TRAPPC12: variants seen among roughly 807,000 people sequenced by gnomAD.
TRAPPC12 encodes the protein trafficking protein particle complex subunit 12, also known as TPR repeat protein 15.
TRAPPC12 carries 61 observed loss-of-function variants against 69.2 expected under a neutral mutation model. The ratio of observed to expected loss-of-function variants is 0.88; its 90% CI spans 0.72 to 1.09. TRAPPC12 has a LOEUF of 1.09. TRAPPC12 is among the 50% of genes least tolerant of loss of function. TRAPPC12 has a pLI of 0.00. For missense variants in TRAPPC12, 1,101 were observed against 1,016.4 expected, an observed-to-expected ratio of 1.08 and a Z score of -1.13; for synonymous variants, 469 against 438.9, an observed-to-expected ratio of 1.07 and a Z score of -0.86.
At chr2:3,420,561 G>A (rs1178037763) in intron 3 of TRAPPC12, among the ~76,000 whole-genome samples, 1 of 152,176 alleles carries the variant, frequency 6.6e-6, no homozygotes, top group Non-Finnish European at 1.5e-5. Context: ...CAGTGTGAGT[G>A]TGAGGCCACA....
chr2:3,439,134 C>T (rs937712081), intron 5 of TRAPPC12, among the ~76,000 whole-genome samples: 4 of 152,128 alleles, frequency 2.6e-5, no homozygotes, highest in African/African-American at 9.7e-5. Flanking sequence ...TTGGATTTTT[C>T]GCTATTCTGA....
intron 11 of TRAPPC12, 73 bp from the exon 12 acceptor site, chr2:3,479,146 A>G: frequency 1.3e-6 from 2 of 1,571,192 alleles, no homozygotes; most frequent in Non-Finnish European, 1.7e-6. Flanking sequence ...AACACGGCCC[A>G]GCACGCAGCC....
chr2:3,457,691 A>G lies in TRAPPC12; in HGVS notation c.1601A>G (p.Gln534Arg), dbSNP rs771677124. ...AGCAGCGTGACTCAGGAGGGCAGAC[A>G]AGGTGGGTCGGCCGGACTTTGCTGA... ...GMSSVTQEGR[Q>R]ASIRLWRSRL... is the part of the protein sequence containing the mutation. Residue 534 changes from glutamine (Q) to arginine (R), a missense_variant and splice_region_variant, in exon 7 of 12, where the codon CAA becomes CGA. Transcript: ENST00000324266. 2.5e-6 allele frequency: 4 copies of G among 1,610,260 alleles called. No individual in the cohort carries two copies. Among genetic ancestry groups the G allele is most frequent in the Admixed American group, 3.3e-5 (2 of 60,020 alleles).
chr2:3,477,737 G>A lies in TRAPPC12; in HGVS notation c.1819G>A (p.Glu607Lys). 1 of 1,608,796 alleles carries A rather than the reference G, an allele frequency of 6.2e-7. No individual in the cohort carries two copies. Among genetic ancestry groups the A allele is most frequent in the Non-Finnish European group, 8.5e-7 (1 of 1,178,088 alleles). ...KTAEKYFQDV[E>K]KVTQKLDGLQ... ...AGCTGAAAAGTATTTTCAAGACGTT[G>A]AGAAAGTAACACAGAAATTAGATGG... is the stretch of plus-strand genomic sequence containing the variant. Residue 607 changes from glutamate (E) to lysine (K), a missense_variant, in exon 10 of 12, where the codon GAG becomes AAG. Glu to Lys is a moderately conservative substitution (Grantham distance 56). Transcript: ENST00000324266.
At chr2:3,431,317 C>A (rs968020973) in intron 5 of TRAPPC12, among the ~76,000 whole-genome samples, 5 of 152,248 alleles carry the variant, frequency 3.3e-5, no homozygotes, top group Admixed American at 6.5e-5. Flanking sequence ...GCACAGCCGT[C>A]TGCCTTCACT....
At chr2:3,475,298 A>G (rs1283895322) in intron 9 of TRAPPC12, among the ~76,000 whole-genome samples, 4 of 151,716 alleles carry the variant, frequency 2.6e-5, no homozygotes, top group African/African-American at 7.3e-5. Flanking sequence ...TTTTTAATGG[A>G]GACAAGGTCT....
chr2:3,388,453 C>T lies in TRAPPC12; in HGVS notation c.830C>T (p.Pro277Leu), dbSNP rs752446613. The T allele has an allele frequency of 1.2e-6, 2 of 1,611,244 alleles. No homozygotes were observed. The highest frequency in any genetic ancestry group is 2.2e-5 in the East Asian group (1 of 44,796). ...GPQAAAPPAS[P>L]EPFAHIQAVF... is the part of the protein sequence containing the mutation. ...CAGGCAGCTGCGCCCCCGGCGTCGC[C>T]AGAGCCTTTCGCGCACATCCAGGCA... Residue 277 changes from proline (P) to leucine (L), a missense_variant, in exon 2 of 12, where the codon CCA becomes CTA. By Grantham distance (98) the Pro-to-Leu change is moderately conservative (BLOSUM62 -3). Transcript: ENST00000324266.
At chr2:3,441,664 A>G (rs1558385762) in intron 5 of TRAPPC12, among the ~76,000 whole-genome samples, 1 of 148,108 alleles carries the variant, frequency 6.8e-6, no homozygotes, top group Non-Finnish European at 1.5e-5. Context: ...TATTTTTATT[A>G]TTTTCTTATA....
chr2:3,451,112 T>C (rs539901179), intron 6 of TRAPPC12, among the ~76,000 whole-genome samples: 5 of 152,358 alleles, frequency 3.3e-5, no homozygotes, highest in East Asian at 1.9e-4. Flanking sequence ...TGGTTATATA[T>C]GGAGTCAAGC....
chr2:3,455,500 C>T (rs1025409345), intron 6 of TRAPPC12: 2 of 152,152 alleles, frequency 1.3e-5, no homozygotes, highest in African/African-American at 4.8e-5. Flanking sequence ...CACTCCATCC[C>T]CCACTACTGT....
intron 9 of TRAPPC12, among the ~76,000 whole-genome samples, chr2:3,473,612 T>C (rs540599522): frequency 1.3e-5 from 2 of 152,252 alleles, no homozygotes; most frequent in African/African-American, 4.8e-5. Context: ...CCCGAGTAGC[T>C]GGGAACAGGA....
chr2:3,424,692 AT>A lies in TRAPPC12; in HGVS notation c.1417+32del, dbSNP rs750892524. The A allele has an allele frequency of 3.9e-6, 6 of 1,548,528 alleles. No individual in the cohort carries two copies. The Admixed American group carries it at 1.1e-4, about 27-fold the overall frequency. Reference sequence around the variant, plus strand: ...AGGCCATGGTATTTAATATTTGTACATTTGTCTGTGTGTCGCTCTGGTTTGC... The same window carrying A: ...AGGCCATGGTATTTAATATTTGTACATTGTCTGTGTGTCGCTCTGGTTTGC... On this transcript the variant is annotated intron_variant, in intron 5 of 11. Coordinates refer to ENST00000324266, the MANE Select transcript of TRAPPC12 (RefSeq NM_016030.6).
chr2:3,473,289 A>G (rs1482478624), intron 9 of TRAPPC12, among the ~76,000 whole-genome samples: 1 of 152,220 alleles, frequency 6.6e-6, no homozygotes, highest in Non-Finnish European at 1.5e-5. Context: ...AAAACATGGA[A>G]GAGAAGCTAG....
chr2:3,465,622 A>G lies in TRAPPC12; in HGVS notation c.1703A>G (p.Tyr568Cys), dbSNP rs149975533. 6 of 1,614,028 alleles carry G rather than the reference A, an allele frequency of 3.7e-6. No individual in the cohort carries two copies. Among genetic ancestry groups the G allele is most frequent in the African/African-American group, 2.7e-5 (2 of 74,930 alleles). The change falls in exon 9 of 12, where the codon TAT (tyrosine) becomes TGT (cysteine). Residue 568 changes from tyrosine (Y) to cysteine (C), a missense_variant. Physicochemically the swap from Tyr to Cys is radical, Grantham distance 194. Coordinates refer to ENST00000324266, the MANE Select transcript of TRAPPC12 (RefSeq NM_016030.6). ...GATTATGTGCTGGCCGTGGAGGCGT[A>G]TCATTCGGTTATCAAGTATTACCCA... is the stretch of plus-strand genomic sequence containing the variant. ...MKDYVLAVEA[Y>C]HSVIKYYPEQ...
At chr2:3,468,831 C>G (rs1446685724) in intron 9 of TRAPPC12, among the ~76,000 whole-genome samples, 3 of 152,214 alleles carry the variant, frequency 2.0e-5, no homozygotes, top group Admixed American at 6.5e-5. Flanking sequence ...GCTGGCGCAC[C>G]CTGCTCACCC....
chr2:3,382,039 A>T (rs1029006621), intron 1 of TRAPPC12, among the ~76,000 whole-genome samples: 7 of 150,634 alleles, frequency 4.6e-5, no homozygotes, highest in African/African-American at 1.7e-4. Context: ...GAGTTCACTG[A>T]TTTTCACCAC....
chr2:3,392,529 T>A (rs1420738603), intron 2 of TRAPPC12, among the ~76,000 whole-genome samples: 8 of 152,240 alleles, frequency 5.3e-5, no homozygotes, highest in Admixed American at 4.6e-4. Flanking sequence ...TTGTCTTATG[T>A]TGTATTTCTC....
chr2:3,387,703 AG>A lies in TRAPPC12; in HGVS notation c.84del (p.Leu29CysfsTer34). The A allele has an allele frequency of 1.9e-6, 3 of 1,587,694 alleles. No homozygotes were observed. Among genetic ancestry groups the A allele is most frequent in the Non-Finnish European group, 2.6e-6 (3 of 1,167,430 alleles). On this transcript the variant is annotated frameshift_variant, in exon 2 of 12. Coordinates refer to ENST00000324266, the MANE Select transcript of TRAPPC12 (RefSeq NM_016030.6). LOFTEE classifies it high-confidence loss of function. ...CCTCAGCTCGCGCCTCCGGAGGAGCAGGGGTTGCTCTTCCAGGAGGAAACCA... is the reference window on the plus strand; with the variant it reads ...CCTCAGCTCGCGCCTCCGGAGGAGCAGGGTTGCTCTTCCAGGAGGAAACCA... ...HPPQLAPPEE[Q>X]GLLFQEETID...
intron 2 of TRAPPC12, among the ~76,000 whole-genome samples, chr2:3,390,772 G>GT (rs924438341): frequency 5.3e-5 from 8 of 152,232 alleles, no homozygotes; most frequent in Admixed American, 4.6e-4. Context: ...AGATTCATCA[G>GT]TTGTAATAGG....
Sources: allele counts gnomAD v4.1 joint callset (sites outside exome capture counted in the v4.1 genomes callset), GRCh38; gene constraint gnomAD v4.1.1; transcripts MANE v1.5; gene names NCBI Gene and HGNC (gene_info 2026-07-23, HGNC 2026-07-21).